CRACD: variants seen among roughly 807,000 people sequenced by gnomAD.
CRACD encodes the protein capping protein inhibiting regulator of actin dynamics.
In CRACD, 56 loss-of-function variants were observed where a neutral mutation model predicts 106.8. The ratio of observed to expected loss-of-function variants is 0.52; its 90% CI spans 0.42 to 0.66. The LOEUF is 0.66. CRACD is among the 30% of genes least tolerant of loss of function. CRACD has a pLI of 0.00. For synonymous variants in CRACD, 754 were observed against 670.8 expected, an observed-to-expected ratio of 1.12 and a Z score of -1.92; for missense variants, 1,730 against 1,623.2, an observed-to-expected ratio of 1.07 and a Z score of -1.13.
At chr4:56,192,776 T>C (rs1028504877) in intron 2 of CRACD, among the ~76,000 whole-genome samples, 1 of 152,124 alleles carries the variant, frequency 6.6e-6, no homozygotes, top group African/African-American at 2.4e-5. Context: ...CTTTTCCTGA[T>C]CTGAAAAAAA....
At chr4:56,234,811 G>C (rs1036907764) in intron 2 of CRACD, among the ~76,000 whole-genome samples, 1 of 152,126 alleles carries the variant, frequency 6.6e-6, no homozygotes, top group Non-Finnish European at 1.5e-5. Flanking sequence ...TATATGATGG[G>C]ACTTCAAGTG....
At chr4:56,201,918 G>A (rs903057983) in intron 2 of CRACD, among the ~76,000 whole-genome samples, 3 of 152,130 alleles carry the variant, frequency 2.0e-5, no homozygotes, top group African/African-American at 7.2e-5. Flanking sequence ...TGTACAAGTT[G>A]TTTATTGAAG....
At chr4:56,196,900 G>A (rs1436380494) in intron 2 of CRACD, among the ~76,000 whole-genome samples, 1 of 152,006 alleles carries the variant, frequency 6.6e-6, no homozygotes, top group Non-Finnish European at 1.5e-5. Context: ...ATTTACTTCA[G>A]TTTCTCCTCA....
chr4:56,279,451 GA>G (rs1360353009), intron 3 of CRACD, among the ~76,000 whole-genome samples: 1 of 151,904 alleles, frequency 6.6e-6, no homozygotes, highest in Non-Finnish European at 1.5e-5. Context: ...AAATTTACAA[GA>G]AAAAAACAAC....
At chr4:56,177,331 GT>G (rs927194270) in intron 1 of CRACD, among the ~76,000 whole-genome samples, 3 of 152,126 alleles carry the variant, frequency 2.0e-5, no homozygotes, top group African/African-American at 7.2e-5. Context: ...TCATCATATA[GT>G]TTTTGTCTTT....
At chr4:56,105,684 G>A (rs1188598778) in intron 1 of CRACD, among the ~76,000 whole-genome samples, 6 of 152,182 alleles carry the variant, frequency 3.9e-5, no homozygotes, top group Non-Finnish European at 8.8e-5. Context: ...GCAAACCTAA[G>A]TTGTCTTTTT....
intron 8 of CRACD, among the ~76,000 whole-genome samples, chr4:56,322,642 C>T (rs555300493): frequency 6.6e-6 from 1 of 152,202 alleles, no homozygotes; most frequent in African/African-American, 2.4e-5. Context: ...CAGAGTAGTG[C>T]TCCTTTTTCA....
rs933622041 is a variant in CRACD at position 56,148,281 on chromosome 4, TTAA to T, written c.-335-31002_-335-31000del. 9.0e-5 allele frequency among the ~76,000 whole-genome samples: 11 copies of T among 122,656 alleles called. No individual in the cohort carries two copies. In the East Asian group the frequency reaches 2.1e-3, roughly 23 times the overall value. 80.5% of individuals were successfully genotyped at this position (122,656 alleles called of 152,430 possible). A position where few individuals can be genotyped will look rare whatever the true frequency, so the allele number is the denominator to read the frequency against. ...TCATTGTGCTTTTGTTGTTTTTTTTTTAAAAAAAAAAAAATTTATTTTTTCAGA... is the reference window on the plus strand; with the variant it reads ...TCATTGTGCTTTTGTTGTTTTTTTTTAAAAAAAAAAATTTATTTTTTCAGA... On this transcript the variant is annotated intron_variant, in intron 1 of 10. Transcript: ENST00000682029.
chr4:56,316,253 G>C lies in CRACD; in HGVS notation c.2751G>C (p.Arg917=). 1.2e-6 allele frequency: 2 copies of C among 1,613,968 alleles called. No homozygotes were observed. Among genetic ancestry groups the C allele is most frequent in the Middle Eastern group, 1.6e-4 (1 of 6,062 alleles). Residue 917 remains arginine (R), a synonymous_variant, in exon 8 of 11, where the codon CGG becomes CGC. Coordinates refer to ENST00000682029, the MANE Select transcript of CRACD (RefSeq NM_001393381.1). ...AGCGGAAGCAAGCCCCTTCCACCCG[G>C]AGGGACTCCGCTGAACCTTCCAGCA... The part of the protein sequence containing the change: ...PQERKQAPST[R]RDSAEPSSSR...
At chr4:56,053,655 GC>G (rs1731949505) in intron 1 of CRACD, among the ~76,000 whole-genome samples, 1 of 152,122 alleles carries the variant, frequency 6.6e-6, no homozygotes, top group Non-Finnish European at 1.5e-5. Flanking sequence ...CACTGCTCTT[GC>G]ATTATAGCTT....
intron 3 of CRACD, 55 bp from the exon 4 acceptor site, chr4:56,298,159 A>G (rs1744156350): frequency 6.4e-7 from 1 of 1,570,428 alleles, no homozygotes; most frequent in Admixed American, 1.8e-5. Context: ...TGGAAAACTG[A>G]ATTGCCAAAA....
At chr4:56,082,967 A>G (rs1188940087) in intron 1 of CRACD, among the ~76,000 whole-genome samples, 1 of 152,180 alleles carries the variant, frequency 6.6e-6, no homozygotes, top group Non-Finnish European at 1.5e-5. Context: ...AGAAAGATAC[A>G]CAGATAAAGA....
At chr4:56,207,214 T>C (rs1369857225) in intron 2 of CRACD, among the ~76,000 whole-genome samples, 3 of 152,262 alleles carry the variant, frequency 2.0e-5, no homozygotes, top group South Asian at 2.1e-4. Context: ...TCAGCAACTG[T>C]ACAGACACCT....
At chr4:56,281,570 C>T (rs1341090284) in intron 3 of CRACD, among the ~76,000 whole-genome samples, 1 of 152,016 alleles carries the variant, frequency 6.6e-6, no homozygotes, top group Non-Finnish European at 1.5e-5. Flanking sequence ...GACAAAAATG[C>T]ATATGACATT....
Position 56,316,578 on chromosome 4 carries a change from G to T in CRACD, c.3076G>T (p.Gly1026Ter), listed in dbSNP as rs1465262694. 6.2e-7 allele frequency: 1 copy of T among 1,613,418 alleles called. No homozygotes were observed. The highest frequency in any genetic ancestry group is 1.7e-5 in the Admixed American group (1 of 59,970). ...PSPPGPEERK[G>*]QKRDEEEEAT... ...GCCCCCAGGCCCCGAGGAAAGGAAG[G>T]GACAGAAGAGGGACGAGGAGGAAGA... is the stretch of plus-strand genomic sequence containing the variant. Residue 1026 changes from glycine (G) to a stop codon, truncating the protein, a stop_gained, in exon 8 of 11, where the codon GGA (glycine) becomes TGA (stop). Coordinates refer to ENST00000682029, the MANE Select transcript of CRACD (RefSeq NM_001393381.1). LOFTEE classifies it high-confidence loss of function.
Position 56,081,503 on chromosome 4 carries a change from C to T in CRACD, c.-336+32204C>T, listed in dbSNP as rs117164825. On this transcript the variant is annotated intron_variant, in intron 1 of 10. Transcript: ENST00000682029. The stretch of plus-strand genomic sequence containing the variant: ...GCTATGAGCTATATAAGAGTTGTTG[C>T]AAGACATTAAAAGTAAAATTAATGC... Among the ~76,000 whole-genome samples, 969 of 152,162 alleles carry T rather than the reference C, an allele frequency of 6.4e-3. 4 individuals carry two copies. The highest frequency in any genetic ancestry group is 9.9e-3 in the Non-Finnish European group (672 of 68,008).
At chr4:56,257,438 A>G (rs1741429704) in intron 2 of CRACD, among the ~76,000 whole-genome samples, 1 of 151,240 alleles carries the variant, frequency 6.6e-6, no homozygotes, top group Non-Finnish European at 1.5e-5. Context: ...ACCTGTAGTC[A>G]GTACTTTGTG....
At chr4:56,215,281 A>G (rs1265642824) in intron 2 of CRACD, among the ~76,000 whole-genome samples, 1 of 152,168 alleles carries the variant, frequency 6.6e-6, no homozygotes, top group Non-Finnish European at 1.5e-5. Context: ...TCAGCCTTCC[A>G]AAGCATTGGG....
At chr4:56,105,311 CA>C (rs146977370) in intron 1 of CRACD, among the ~76,000 whole-genome samples, 238 of 152,250 alleles carry the variant, frequency 1.6e-3, no homozygotes, top group African/African-American at 5.5e-3. Context: ...CCAGCCTCGG[CA>C]GCATGGCAAA....
Sources: gnomAD v4.1 joint callset for allele counts (sites outside exome capture counted in the v4.1 genomes callset) on GRCh38, gnomAD v4.1.1 for gene constraint, MANE v1.5 for transcripts, NCBI Gene and HGNC (gene_info 2026-07-23, HGNC 2026-07-21) for gene names.